HPSE2: variants seen among roughly 807,000 people sequenced by gnomAD.
HPSE2 encodes inactive heparanase-2.
HPSE2 carries 38 observed loss-of-function variants against 60.5 expected under a neutral mutation model. The observed-to-expected ratio is 0.63, with a 90% CI of 0.48 to 0.82. The LOEUF is 0.82. Among genes scored for constraint, HPSE2 ranks in the 40% least tolerant of loss-of-function variants. The pLI is 0.00. For synonymous variants in HPSE2, 295 were observed against 293.2 expected (o/e 1.01, Z -0.06); for missense variants, 713 against 740.4 (o/e 0.96, Z 0.43).
At chr10:98,676,449 C>T (rs1947644484) in intron 6 of HPSE2, among the ~76,000 whole-genome samples, 1 of 152,170 alleles carries the variant, frequency 6.6e-6, no homozygotes, top group Non-Finnish European at 1.5e-5. Context: ...GAGAGTACAG[C>T]CCCAGGCCCT....
rs1240193049 is a variant in HPSE2 at position 98,693,919 on chromosome 10, C to T, written c.985G>A (p.Asp329Asn). The T allele has an allele frequency of 1.2e-6, 2 of 1,613,262 alleles. No homozygotes were observed. Among genetic ancestry groups the T allele is most frequent in the East Asian group, 4.5e-5 (2 of 44,856 alleles). The change falls in exon 6 of 12, where the codon GAT (aspartate) becomes AAT (asparagine). Residue 329 changes from aspartate (D) to asparagine (N), a missense_variant. Coordinates refer to ENST00000370552, the MANE Select transcript of HPSE2 (RefSeq NM_021828.5). ...GFMKVAGSTV[D>N]AVTWQHCYID... ...ACCTACTGTTGCCAGGTAACTGCAT[C>T]TACTGTACTTCCTGCCACCTTCATG...
At chr10:98,840,868 T>C (rs1264627228) in intron 3 of HPSE2, among the ~76,000 whole-genome samples, 1 of 152,196 alleles carries the variant, frequency 6.6e-6, no homozygotes, top group African/African-American at 2.4e-5. Context: ...AGAAAAAAGT[T>C]TTAATTTACC....
chr10:98,509,595 G>A (rs1942319440), intron 9 of HPSE2, among the ~76,000 whole-genome samples: 1 of 151,784 alleles, frequency 6.6e-6, no homozygotes, highest in African/African-American at 2.4e-5. Flanking sequence ...TCCGCCTCCT[G>A]GGTTCAAGCA....
At chr10:98,565,439 C>T (rs1476182276) in intron 9 of HPSE2, among the ~76,000 whole-genome samples, 1 of 152,096 alleles carries the variant, frequency 6.6e-6, no homozygotes, top group Non-Finnish European at 1.5e-5. Context: ...TGGTTTTCTG[C>T]TCCTGGGTTA....
intron 4 of HPSE2, among the ~76,000 whole-genome samples, chr10:98,723,055 G>A (rs1970251): frequency 0.079 from 12,005 of 152,138 alleles, 772 homozygotes; most frequent in East Asian, 0.29. Flanking sequence ...TTTTCAAAGG[G>A]AATGCTTCTA....
chr10:99,204,093 T>C (rs1011889565), intron 2 of HPSE2, among the ~76,000 whole-genome samples: 3 of 152,018 alleles, frequency 2.0e-5, no homozygotes, highest in Non-Finnish European at 4.4e-5. Context: ...TCAGCCCCTG[T>C]ACAATCCAGG....
intron 9 of HPSE2, among the ~76,000 whole-genome samples, chr10:98,575,359 G>A (rs1314991793): frequency 6.6e-6 from 1 of 152,118 alleles, no homozygotes; most frequent in African/African-American, 2.4e-5. Context: ...ATGGCTCTTA[G>A]GTGGAAGACA....
intron 3 of HPSE2, among the ~76,000 whole-genome samples, chr10:99,059,495 A>T (rs76068107): frequency 0.17 from 25,185 of 152,104 alleles, 2,434 homozygotes; most frequent in Admixed American, 0.24. Context: ...TCTCTTGGTG[A>T]TCATGGGCAT....
At chr10:98,522,209 G>A (rs530531184) in intron 9 of HPSE2, among the ~76,000 whole-genome samples, 1 of 151,690 alleles carries the variant, frequency 6.6e-6, no homozygotes, top group Non-Finnish European at 1.5e-5. Flanking sequence ...TAGAACAGTG[G>A]CTGATATGTA....
chr10:99,170,394 G>T (rs1008927328), intron 2 of HPSE2, among the ~76,000 whole-genome samples: 1 of 152,122 alleles, frequency 6.6e-6, no homozygotes, highest in African/African-American at 2.4e-5. Flanking sequence ...TGTTTCTCTA[G>T]CTTTACATCA....
chr10:99,259,692 C>T, the HPSE2 span, among the ~76,000 whole-genome samples: 1 of 152,130 alleles, frequency 6.6e-6, no homozygotes, highest in Non-Finnish European at 1.5e-5. Flanking sequence ...GCAGGGGTCC[C>T]CAACTCCCAG....
intron 3 of HPSE2, among the ~76,000 whole-genome samples, chr10:98,962,780 A>T (rs1351720531): frequency 6.6e-6 from 1 of 150,750 alleles, no homozygotes; most frequent in Non-Finnish European, 1.5e-5. Flanking sequence ...ATTCTTATAC[A>T]CCAACAACAG....
At chr10:98,583,079 T>C (rs1944847561) in intron 9 of HPSE2, among the ~76,000 whole-genome samples, 1 of 152,120 alleles carries the variant, frequency 6.6e-6, no homozygotes. Flanking sequence ...GGAACTGTCT[T>C]CCAAGTCCAA....
At chr10:98,843,394 T>C (rs566473164) in intron 3 of HPSE2, among the ~76,000 whole-genome samples, 2 of 152,306 alleles carry the variant, frequency 1.3e-5, no homozygotes, top group South Asian at 4.1e-4. Context: ...CAGGAAATGG[T>C]TGGTATTAGG....
chr10:98,756,930 C>A (rs557605247), intron 3 of HPSE2, among the ~76,000 whole-genome samples: 162 of 152,240 alleles, frequency 1.1e-3, no homozygotes, highest in Non-Finnish European at 1.8e-3. Context: ...AAATCCTCAA[C>A]AAAATACTAG....
At chr10:99,070,134 G>A (rs11189955) in intron 3 of HPSE2, among the ~76,000 whole-genome samples, 12,871 of 152,154 alleles carry the variant, frequency 0.085, 651 homozygotes, top group South Asian at 0.19. Flanking sequence ...AGACTTCATC[G>A]AAATTAAGAA....
intron 3 of HPSE2, among the ~76,000 whole-genome samples, chr10:99,031,243 T>G (rs1957491638): frequency 1.3e-5 from 2 of 152,154 alleles, no homozygotes; most frequent in Non-Finnish European, 2.9e-5. Context: ...AAACATCTCA[T>G]GTACCCCAAA....
intron 2 of HPSE2, among the ~76,000 whole-genome samples, chr10:99,179,375 C>T (rs913973614): frequency 4.0e-5 from 6 of 151,830 alleles, no homozygotes; most frequent in East Asian, 3.9e-4. Context: ...AAAACCCCAT[C>T]GCAAAATTTC....
intron 3 of HPSE2, among the ~76,000 whole-genome samples, chr10:98,761,649 T>A (rs1466634674): frequency 6.6e-6 from 1 of 152,160 alleles, no homozygotes; most frequent in African/African-American, 2.4e-5. Flanking sequence ...CCAACTACAG[T>A]GTATATTTCA....
Sources: allele counts gnomAD v4.1 joint callset (sites outside exome capture counted in the v4.1 genomes callset), GRCh38; gene constraint gnomAD v4.1.1; transcripts MANE v1.5; gene names NCBI Gene and HGNC (gene_info 2026-07-23, HGNC 2026-07-21).